IQSEC2: variants seen among roughly 807,000 people sequenced by gnomAD.
IQSEC2 encodes IQ motif and SEC7 domain-containing protein 2.
A neutral mutation model predicts 74.6 loss-of-function variants in IQSEC2; 6 were observed. The ratio of observed to expected loss-of-function variants is 0.08; its 90% CI spans 0.04 to 0.16. The LOEUF (loss-of-function observed/expected upper bound fraction) is 0.16, where lower values mean the gene tolerates loss of function less well. IQSEC2 is among the 10% of genes least tolerant of loss of function. The pLI is 1.00. For missense variants in IQSEC2, 734 were observed against 1,306.2 expected, an observed-to-expected ratio of 0.56 and a Z score of 6.75; for synonymous variants, 494 against 544.5, an observed-to-expected ratio of 0.91 and a Z score of 1.29.
chrX:53,313,876 G>A (rs2075343032), intron 1 of IQSEC2, among the ~76,000 whole-genome samples: 1 of 112,262 alleles, frequency 8.9e-6, no homozygotes, highest in South Asian at 3.7e-4. Context: ...CCAAAGTCTC[G>A]TCCAAGTCTG....
intron 1 of IQSEC2, among the ~76,000 whole-genome samples, chrX:53,308,163 CAAAAAAAAAAAAAAAA>C (rs142766855): frequency 2.6e-5 from 1 of 37,775 alleles, no homozygotes; most frequent in Non-Finnish European, 4.3e-5. Flanking sequence ...GACTCCATCT[CAAAAAAAAAAAAAAAA>C]AAAAAAAAGA....
chrX:53,314,588 G>C (rs2075350629), intron 1 of IQSEC2, among the ~76,000 whole-genome samples: 1 of 111,854 alleles, frequency 8.9e-6, no homozygotes, highest in African/African-American at 3.3e-5. Context: ...GGAACAACAT[G>C]AGCAAAGACC....
intron 4 of IQSEC2, 51 bp downstream of exon 4, chrX:53,254,479 G>A (rs782542835): frequency 5.7e-5 from 65 of 1,138,789 alleles, no homozygotes; most frequent in Admixed American, 8.2e-5. Flanking sequence ...AGTAGCAGGA[G>A]TAGCCAGAAC....
intron 2 of IQSEC2, among the ~76,000 whole-genome samples, chrX:53,283,456 G>T (rs2074995889): frequency 8.9e-6 from 1 of 112,038 alleles, no homozygotes; most frequent in African/African-American, 3.2e-5. Flanking sequence ...GATTTGGTAG[G>T]TAGACAAAGT....
At chrX:53,226,595 C>A (rs782273670), downstream of IQSEC2, 2 of 112,372 alleles carry the variant, frequency 1.8e-5, no homozygotes, top group East Asian at 2.8e-4. Context: ...ACTGTAAGCT[C>A]GAGGCAGATA....
intron 2 of IQSEC2, among the ~76,000 whole-genome samples, chrX:53,272,684 G>C (rs1291514364): frequency 9.0e-6 from 1 of 111,292 alleles, no homozygotes; most frequent in Non-Finnish European, 1.9e-5. Context: ...TCCCAGGAAC[G>C]CCTACTCTTA....
In IQSEC2 at chrX:53,243,803, A is replaced by G. The variant is rs193250315; in HGVS notation, c.2750-332T>C. On this transcript the variant is annotated intron_variant, in intron 8 of 14. Coordinates refer to ENST00000642864, the MANE Select transcript of IQSEC2 (RefSeq NM_001111125.3). Reference sequence around the variant, plus strand: ...GAAGAGTGCAGGGAAGTGGGCATGTATGGTAACATAACTCTTTTGGAAGGT... The same window carrying G: ...GAAGAGTGCAGGGAAGTGGGCATGTGTGGTAACATAACTCTTTTGGAAGGT... Among the ~76,000 whole-genome samples, 432 of 112,692 alleles carry G rather than the reference A, an allele frequency of 3.8e-3. 3 individuals carry two copies. The highest frequency in any genetic ancestry group is 0.013 in the African/African-American group (414 of 31,066).
At position 53,301,395 on chromosome X, in the gene IQSEC2, T is replaced by C. The variant is rs182174367; in HGVS notation, c.708-9471A>G. The stretch of plus-strand genomic sequence containing the variant: ...GGTTGTACTGATAAACAGAAGGCCC[T>C]ACACTGGGGCCCACATTTTAGGGGC... On this transcript the variant is annotated intron_variant, in intron 1 of 14. Coordinates refer to ENST00000642864, the MANE Select transcript of IQSEC2 (RefSeq NM_001111125.3). 1.2e-4 allele frequency among the ~76,000 whole-genome samples: 13 copies of C among 111,940 alleles called. No homozygotes were observed. In the East Asian group the frequency reaches 3.4e-3, roughly 29 times the overall value.
intron 1 of IQSEC2, among the ~76,000 whole-genome samples, chrX:53,304,415 G>T (rs2075240771): frequency 8.9e-6 from 1 of 111,968 alleles, no homozygotes; most frequent in Non-Finnish European, 1.9e-5. Context: ...GATGGTTTCA[G>T]TTGCTGGCTA....
intron 2 of IQSEC2, among the ~76,000 whole-genome samples, chrX:53,261,460 T>C (rs182115056): frequency 2.0e-4 from 22 of 108,058 alleles, no homozygotes; most frequent in African/African-American, 7.1e-4. Context: ...CTCTCTGGAC[T>C]CTTCCCAGCC....
chrX:53,258,431 C>A lies in IQSEC2; in HGVS notation c.738-2370G>T, dbSNP rs140172395. On this transcript the variant is annotated intron_variant, in intron 2 of 14. Transcript: ENST00000642864. ...AGAGTAGGTGCTCAATAAAAGCTGC[C>A]GTCCAGAGGGAGTCAATGAATGTGC... Among the ~76,000 whole-genome samples the A allele has an allele frequency of 1.3e-3, 148 of 111,829 alleles. 1 individual carries two copies. The highest frequency in any genetic ancestry group is 4.6e-3 in the Middle Eastern group (1 of 219).
intron 2 of IQSEC2, among the ~76,000 whole-genome samples, chrX:53,283,755 C>CTG (rs1472005555): frequency 8.9e-6 from 1 of 112,084 alleles, no homozygotes; most frequent in East Asian, 2.8e-4. Context: ...TCGACAGATA[C>CTG]TGTGGCCCAG....
intron 1 of IQSEC2, among the ~76,000 whole-genome samples, chrX:53,292,917 C>T (rs1569328736): frequency 1.8e-5 from 2 of 111,809 alleles, no homozygotes; most frequent in South Asian, 3.7e-4. Context: ...GTGTGGGACA[C>T]GGACATCCCC....
At chrX:53,315,957 T>G in intron 1 of IQSEC2, among the ~76,000 whole-genome samples, 1 of 111,729 alleles carries the variant, frequency 9.0e-6, no homozygotes, top group Non-Finnish European at 1.9e-5. Flanking sequence ...ATACCCCTCA[T>G]CCCTCACCCA....
chrX:53,290,360 G>C (rs1166072972), intron 2 of IQSEC2, among the ~76,000 whole-genome samples: 1 of 112,283 alleles, frequency 8.9e-6, no homozygotes, highest in African/African-American at 3.2e-5. Context: ...TAAATGTCCT[G>C]AGCTCTAGGT....
chrX:53,293,130 A>G (rs1338266774), intron 1 of IQSEC2, among the ~76,000 whole-genome samples: 1 of 111,998 alleles, frequency 8.9e-6, no homozygotes, highest in Non-Finnish European at 1.9e-5. Context: ...AGAAGGGAGC[A>G]TTTGTTGAAA....
chrX:53,227,617 AGTG>A (rs1400038088), downstream of IQSEC2: 7 of 312,486 alleles, frequency 2.2e-5, no homozygotes, highest in Non-Finnish European at 2.8e-5. Context: ...TGATGGTGGT[AGTG>A]GTGGTGGTGC....
intron 2 of IQSEC2, among the ~76,000 whole-genome samples, chrX:53,273,416 A>G (rs1304195693): frequency 1.8e-5 from 2 of 111,420 alleles, no homozygotes; most frequent in East Asian, 2.8e-4. Flanking sequence ...ATATTCCACC[A>G]AAGGTCAGCA....
chrX:53,261,493 C>CAT (rs1491090086), intron 2 of IQSEC2, among the ~76,000 whole-genome samples: 10 of 5,487 alleles, frequency 1.8e-3, no homozygotes, highest in Non-Finnish European at 5.2e-3. Context: ...TCTGCATGTG[C>CAT]ACACACACAC....
Sources: gnomAD v4.1 joint callset for allele counts (sites outside exome capture counted in the v4.1 genomes callset) on GRCh38, gnomAD v4.1.1 for gene constraint, MANE v1.5 for transcripts, NCBI Gene and HGNC (gene_info 2026-07-23, HGNC 2026-07-21) for gene names.